TTC29: variants seen among roughly 807,000 people sequenced by gnomAD.
TTC29 encodes tetratricopeptide repeat protein 29.
A neutral mutation model predicts 58.1 loss-of-function variants in TTC29; 49 were observed. The ratio of observed to expected loss-of-function variants is 0.84; its 90% CI spans 0.67 to 1.07. The LOEUF is 1.07. Ranked by LOEUF, TTC29 falls within the 50% of genes least tolerant of loss-of-function variation. The pLI is 0.00. For missense variants in TTC29, 582 were observed against 555.6 expected (o/e 1.05, Z -0.48); for synonymous variants, 209 against 196.8 (o/e 1.06, Z -0.52).
intron 11 of TTC29, among the ~76,000 whole-genome samples, chr4:146,733,788 C>T (rs1399746973): frequency 6.6e-6 from 1 of 152,058 alleles, no homozygotes; most frequent in Non-Finnish European, 1.5e-5. Flanking sequence ...AGTGTGTGAA[C>T]AAAACATCTT....
intron 10 of TTC29, among the ~76,000 whole-genome samples, chr4:146,817,034 C>T (rs904847476): frequency 6.6e-6 from 1 of 152,120 alleles, no homozygotes; most frequent in South Asian, 2.1e-4. Context: ...GACAGGGATG[C>T]CCTCTCTCAC....
intron 11 of TTC29, chr4:146,764,078 C>T (rs1157055174): frequency 6.6e-6 from 1 of 152,044 alleles, no homozygotes; most frequent in East Asian, 1.9e-4. Flanking sequence ...GGATATACCC[C>T]AAAAGCATCT....
intron 9 of TTC29, among the ~76,000 whole-genome samples, chr4:146,829,521 A>G (rs1728025722): frequency 6.6e-6 from 1 of 152,220 alleles, no homozygotes. Flanking sequence ...GAGAAAATGC[A>G]AAAAGCTGTT....
At chr4:146,905,470 A>G (rs1733462452) in intron 5 of TTC29, among the ~76,000 whole-genome samples, 2 of 151,628 alleles carry the variant, frequency 1.3e-5, no homozygotes, top group Admixed American at 6.6e-5. Context: ...CCAAGATTAC[A>G]TATTTAAAGA....
chr4:146,921,108 T>C (rs888097439), intron 4 of TTC29, among the ~76,000 whole-genome samples: 1 of 151,482 alleles, frequency 6.6e-6, no homozygotes, highest in Non-Finnish European at 1.5e-5. Flanking sequence ...GCAAAGTAAG[T>C]GTGCGCTGCG....
At chr4:146,916,386 CTT>C (rs1056714605) in intron 4 of TTC29, among the ~76,000 whole-genome samples, 11 of 151,520 alleles carry the variant, frequency 7.3e-5, no homozygotes, top group African/African-American at 2.4e-4. Context: ...TTTAAAATGA[CTT>C]TTTACTTTAA....
intron 11 of TTC29, among the ~76,000 whole-genome samples, chr4:146,786,000 C>T (rs1748984443): frequency 6.6e-6 from 1 of 152,014 alleles, no homozygotes; most frequent in South Asian, 2.1e-4. Context: ...CACACACACA[C>T]ACACACACAC....
chr4:146,740,014 GCAAA>G (rs1316246613), intron 11 of TTC29, among the ~76,000 whole-genome samples: 7 of 152,288 alleles, frequency 4.6e-5, no homozygotes, highest in African/African-American at 9.6e-5. Flanking sequence ...CTGGTTGGAT[GCAAA>G]CAGTAATGAG....
chr4:146,918,352 G>A (rs962461630), intron 4 of TTC29, among the ~76,000 whole-genome samples: 4 of 150,812 alleles, frequency 2.7e-5, no homozygotes, highest in African/African-American at 9.7e-5. Context: ...ATAACTCAAC[G>A]AATAATAAAA....
intron 3 of TTC29, among the ~76,000 whole-genome samples, chr4:146,938,017 A>G (rs983005205): frequency 3.3e-5 from 5 of 152,136 alleles, no homozygotes; most frequent in African/African-American, 1.2e-4. Context: ...CTGAAGTTAT[A>G]TATTGTTTGG....
At chr4:146,900,923 C>T (rs1733102984) in intron 6 of TTC29, among the ~76,000 whole-genome samples, 1 of 152,162 alleles carries the variant, frequency 6.6e-6, no homozygotes, top group African/African-American at 2.4e-5. Context: ...TCAAAATACA[C>T]TTATGACAGC....
chr4:146,737,600 G>GGGC lies in TTC29; in HGVS notation c.1331-30050_1331-30049insGCC, dbSNP rs1554007374. Among the ~76,000 whole-genome samples, 5 of 147,628 alleles carry GGGC rather than the reference G, an allele frequency of 3.4e-5. 1 individual carries two copies. Among genetic ancestry groups the GGGC allele is most frequent in the Admixed American group, 3.4e-4 (5 of 14,802 alleles). ...TGATGCTAGTAGCCCTGGGGGGGGGGGGGCTACAAACGGGTCTTGACAGGA... is the reference window on the plus strand; with the variant it reads ...TGATGCTAGTAGCCCTGGGGGGGGGGGGCGGGCTACAAACGGGTCTTGACAGGA... On this transcript the variant is annotated intron_variant, in intron 11 of 12. Coordinates refer to ENST00000325106, the MANE Select transcript of TTC29 (RefSeq NM_031956.4).
chr4:146,877,104 C>T (rs1444816263), intron 6 of TTC29, among the ~76,000 whole-genome samples: 1 of 151,818 alleles, frequency 6.6e-6, no homozygotes, highest in East Asian at 1.9e-4. Flanking sequence ...AGACTGCAGG[C>T]CATGAGTAGG....
At chr4:146,804,868 C>T (rs1489039903) in intron 10 of TTC29, among the ~76,000 whole-genome samples, 1 of 152,242 alleles carries the variant, frequency 6.6e-6, no homozygotes, top group African/African-American at 2.4e-5. Flanking sequence ...TCTGCCAGCA[C>T]AGTGCTCAAG....
chr4:146,900,402 C>T (rs1475733739), intron 6 of TTC29, among the ~76,000 whole-genome samples: 1 of 152,020 alleles, frequency 6.6e-6, no homozygotes, highest in African/African-American at 2.4e-5. Flanking sequence ...TTTCATCATC[C>T]AATAGGGTGG....
chr4:146,889,621 C>G (rs1299254090), intron 6 of TTC29, among the ~76,000 whole-genome samples: 1 of 152,014 alleles, frequency 6.6e-6, no homozygotes, highest in Non-Finnish European at 1.5e-5. Context: ...CTTTGCATTT[C>G]TTTTAGTTAT....
intron 11 of TTC29, among the ~76,000 whole-genome samples, chr4:146,718,612 C>G (rs1463049116): frequency 6.6e-6 from 1 of 151,222 alleles, no homozygotes; most frequent in Non-Finnish European, 1.5e-5. Flanking sequence ...GGTTATTAAT[C>G]CCTTATCAGA....
chr4:146,804,898 G>A (rs1750493029), intron 10 of TTC29, among the ~76,000 whole-genome samples: 1 of 152,224 alleles, frequency 6.6e-6, no homozygotes, highest in African/African-American at 2.4e-5. Context: ...GGGACAGACT[G>A]CCTCCTCAAG....
chr4:146,871,500 A>G (rs1730928886), intron 7 of TTC29, among the ~76,000 whole-genome samples: 7 of 151,950 alleles, frequency 4.6e-5, no homozygotes, highest in Admixed American at 3.3e-4. Flanking sequence ...ATAGTCTTGT[A>G]TATAGAGAAT....
Sources: allele counts gnomAD v4.1 joint callset (sites outside exome capture counted in the v4.1 genomes callset), GRCh38; gene constraint gnomAD v4.1.1; transcripts MANE v1.5; gene names NCBI Gene and HGNC (gene_info 2026-07-23, HGNC 2026-07-21).